CADPS2: variants seen among roughly 807,000 people sequenced by gnomAD.
The protein encoded by CADPS2 is calcium dependent secretion activator 2, also known as calcium-dependent secretion activator 2.
In CADPS2, 93 loss-of-function variants were observed where a neutral mutation model predicts 172.5. The ratio of observed to expected loss-of-function variants is 0.54; its 90% CI spans 0.46 to 0.64. The LOEUF is 0.64. CADPS2 is among the 30% of genes least tolerant of loss of function. CADPS2 has a pLI of 0.00. For synonymous variants in CADPS2, 546 were observed against 555.2 expected (o/e 0.98, Z 0.23); for missense variants, 1,420 against 1,565.9 (o/e 0.91, Z 1.57).
At chr7:122,587,832 AG>A (rs2070013103) in intron 6 of CADPS2, among the ~76,000 whole-genome samples, 1 of 152,256 alleles carries the variant, frequency 6.6e-6, no homozygotes. Flanking sequence ...TCCCACCAAC[AG>A]TGTAAAAGTG....
At position 122,668,567 on chromosome 7, in the gene CADPS2, C is replaced by T. The variant is rs776071696; in HGVS notation, c.454-4998G>A. Among the ~76,000 whole-genome samples, 79 of 152,012 alleles carry T rather than the reference C, an allele frequency of 5.2e-4. 1 individual carries two copies. Among genetic ancestry groups the T allele is most frequent in the Admixed American group, 2.9e-3 (45 of 15,256 alleles). ...ATTTACTAGCAGTCAAGAGAGGAGA[C>T]GGTTTCAGAATAAGAGAGACAGAGA... On this transcript the variant is annotated intron_variant, in intron 2 of 29. Transcript: ENST00000449022.
At chr7:122,343,671 A>G (rs2037127506) in intron 28 of CADPS2, among the ~76,000 whole-genome samples, 1 of 152,240 alleles carries the variant, frequency 6.6e-6, no homozygotes, top group African/African-American at 2.4e-5. Context: ...TGGTCTACTT[A>G]TAGAATGGCT....
At chr7:122,867,776 T>G (rs558876003) in intron 1 of CADPS2, among the ~76,000 whole-genome samples, 7 of 152,112 alleles carry the variant, frequency 4.6e-5, no homozygotes, top group African/African-American at 1.4e-4. Context: ...TCCAGACCCA[T>G]GGAAAATCTC....
rs879924356 is a variant in CADPS2 at position 122,568,530 on chromosome 7, TAG to T, written c.1335+12647_1335+12648del. Reference sequence around the variant, plus strand: ...CACCAAAGAGCTCAATGGGACAGAATAGAGAGTCCAGGAATAGGCTTACAGAT... The same window carrying T: ...CACCAAAGAGCTCAATGGGACAGAATAGAGTCCAGGAATAGGCTTACAGAT... On this transcript the variant is annotated intron_variant, in intron 7 of 29. Coordinates refer to ENST00000449022, the MANE Select transcript of CADPS2 (RefSeq NM_017954.11). 5.1e-4 allele frequency among the ~76,000 whole-genome samples: 77 copies of T among 152,196 alleles called. 2 individuals are homozygous for T. The highest frequency in any genetic ancestry group is 3.4e-3 in the Middle Eastern group (1 of 294).
chr7:122,377,066 G>A (rs1019489570), intron 25 of CADPS2, among the ~76,000 whole-genome samples: 7 of 152,030 alleles, frequency 4.6e-5, no homozygotes, highest in African/African-American at 1.7e-4. Context: ...TTTGACAGCA[G>A]GAGAAATTAG....
At chr7:122,767,650 C>A (rs1427605586) in intron 1 of CADPS2, among the ~76,000 whole-genome samples, 1 of 152,076 alleles carries the variant, frequency 6.6e-6, no homozygotes, top group East Asian at 1.9e-4. Flanking sequence ...GGGACCTACC[C>A]ATAGATGGTG....
chr7:122,375,142 T>C (rs1461663816), intron 25 of CADPS2, among the ~76,000 whole-genome samples: 1 of 152,164 alleles, frequency 6.6e-6, no homozygotes. Context: ...ACATATTTAA[T>C]GCAATCTCTA....
chr7:122,738,853 G>GA (rs11480750), intron 1 of CADPS2, among the ~76,000 whole-genome samples: 44,440 of 131,342 alleles, frequency 0.34, 7,869 homozygotes, highest in East Asian at 0.65. Context: ...CCCAGGGGGG[G>GA]AAAAAAAAAA....
At chr7:122,489,941 G>A (rs948124404) in intron 11 of CADPS2, 140 bp downstream of exon 11, 4 of 688,008 alleles carry the variant, frequency 5.8e-6, no homozygotes, top group Non-Finnish European at 9.6e-6. Flanking sequence ...AAGTGATTAT[G>A]TGACTACTAA....
chr7:122,597,506 G>C (rs2072013126), intron 6 of CADPS2, among the ~76,000 whole-genome samples: 1 of 152,028 alleles, frequency 6.6e-6, no homozygotes, highest in Non-Finnish European at 1.5e-5. Flanking sequence ...TTGTGTGTAT[G>C]CCCTGTGTCA....
intron 8 of CADPS2, among the ~76,000 whole-genome samples, chr7:122,540,813 G>A (rs751073099): frequency 1.4e-4 from 21 of 151,854 alleles, no homozygotes; most frequent in Admixed American, 3.3e-4. Flanking sequence ...AATCATTAAC[G>A]CAATTTGTGC....
intron 1 of CADPS2, among the ~76,000 whole-genome samples, chr7:122,873,274 C>A (rs1471564858): frequency 2.6e-5 from 4 of 152,040 alleles, no homozygotes. Flanking sequence ...TTTCCTGCAC[C>A]ACTATGTCAT....
At chr7:122,880,828 A>C (rs2141741932) in intron 1 of CADPS2, among the ~76,000 whole-genome samples, 1 of 152,332 alleles carries the variant, frequency 6.6e-6, no homozygotes, top group South Asian at 2.1e-4. Flanking sequence ...ATTTTGGACA[A>C]CAATTCCATA....
chr7:122,870,161 G>A (rs1012993375), intron 1 of CADPS2, among the ~76,000 whole-genome samples: 7 of 151,892 alleles, frequency 4.6e-5, no homozygotes, highest in African/African-American at 1.7e-4. Flanking sequence ...AAACAGCTTA[G>A]TGGATTAAAA....
intron 6 of CADPS2, 81 bp from the exon 7 acceptor site, chr7:122,581,371 A>G: frequency 1.9e-6 from 2 of 1,031,306 alleles, no homozygotes; most frequent in Non-Finnish European, 3.0e-6. Context: ...TAGAAGGCAA[A>G]TTAAATACAG....
At chr7:122,659,375 T>C (rs2080251362) in intron 3 of CADPS2, among the ~76,000 whole-genome samples, 1 of 148,614 alleles carries the variant, frequency 6.7e-6, no homozygotes, top group Non-Finnish European at 1.5e-5. Flanking sequence ...ATTAGTGGAT[T>C]TGACATTGCT....
intron 14 of CADPS2, among the ~76,000 whole-genome samples, chr7:122,458,077 G>C (rs1254770035): frequency 6.6e-6 from 1 of 152,126 alleles, no homozygotes; most frequent in Non-Finnish European, 1.5e-5. Flanking sequence ...GTTACTTATA[G>C]GCTTCTTTTC....
chr7:122,729,475 A>G lies in CADPS2; in HGVS notation c.453+7480T>C, dbSNP rs562077142. Among the ~76,000 whole-genome samples the G allele has an allele frequency of 3.3e-5, 5 of 151,952 alleles. No homozygotes were observed. In the South Asian group the frequency reaches 1.0e-3, roughly 31 times the overall value. On this transcript the variant is annotated intron_variant, in intron 2 of 29. Coordinates refer to ENST00000449022, the MANE Select transcript of CADPS2 (RefSeq NM_017954.11). ...TTCTGTAGAGGTTGTACTAGTTTAC[A>G]TTCCCACCAACAGTATATAGGAAAT...
intron 17 of CADPS2, among the ~76,000 whole-genome samples, chr7:122,417,985 C>T (rs1162243415): frequency 6.6e-6 from 1 of 152,086 alleles, no homozygotes; most frequent in Non-Finnish European, 1.5e-5. Flanking sequence ...GCCTGGCCAA[C>T]ATGGCGAAAC....
Sources: gnomAD v4.1 joint callset for allele counts (sites outside exome capture counted in the v4.1 genomes callset) on GRCh38, gnomAD v4.1.1 for gene constraint, MANE v1.5 for transcripts, NCBI Gene and HGNC (gene_info 2026-07-23, HGNC 2026-07-21) for gene names.